The following RIF1 variants were observed in gnomAD, a reference collection of about 807,000 sequenced individuals.
RIF1 encodes replication timing regulatory factor 1, also known as telomere-associated protein RIF1.
RIF1 carries 45 observed loss-of-function variants against 247.1 expected under a neutral mutation model. That is an observed-to-expected ratio of 0.18 (90% confidence interval 0.14 to 0.23). The LOEUF (loss-of-function observed/expected upper bound fraction) is 0.23, where lower values mean the gene tolerates loss of function less well. RIF1 is among the 10% of genes least tolerant of loss of function. RIF1 has a pLI of 1.00. For synonymous variants in RIF1, 1,087 were observed against 978.8 expected (o/e 1.11, Z -2.06); for missense variants, 2,967 against 2,862.5 (o/e 1.04, Z -0.83).
chr2:151,468,396 C>T (rs1051311713), intron 31 of RIF1, 78 bp from the exon 32 acceptor site: 11 of 1,143,794 alleles, frequency 9.6e-6, no homozygotes, highest in African/African-American at 1.6e-5. Context: ...GAAATGATTG[C>T]AGTCTAAGTT....
intron 3 of RIF1, among the ~76,000 whole-genome samples, chr2:151,413,595 A>G (rs2152086209): frequency 6.6e-6 from 1 of 152,352 alleles, no homozygotes; most frequent in South Asian, 2.1e-4. Context: ...AGTAAGTTTA[A>G]TGAAGATTAA....
intron 7 of RIF1, 41 bp downstream of exon 7, chr2:151,420,420 C>A: frequency 6.3e-7 from 1 of 1,588,196 alleles, no homozygotes; most frequent in South Asian, 1.1e-5. Flanking sequence ...GATACTGCAT[C>A]GGAAGGTTCT....
the RIF1 span, chr2:151,527,368 A>G: frequency 2.2e-6 from 2 of 900,362 alleles, no homozygotes; most frequent in South Asian, 3.7e-5. Flanking sequence ...TCCTTCTCGG[A>G]TCTCAAACGA....
the RIF1 span, chr2:151,514,809 G>A: frequency 2.0e-6 from 3 of 1,536,526 alleles, no homozygotes; most frequent in African/African-American, 2.7e-5. Flanking sequence ...AAGACCAAGT[G>A]GGCACTACCT....
chr2:151,448,935 T>G (rs920921736), intron 20 of RIF1, among the ~76,000 whole-genome samples: 1 of 152,178 alleles, frequency 6.6e-6, no homozygotes, highest in African/African-American at 2.4e-5. Context: ...AAACTTGGAG[T>G]CTGTCAAATT....
At chr2:151,443,377 A>G (rs1458107697) in intron 17 of RIF1, 48 bp downstream of exon 17, 3 of 1,364,678 alleles carry the variant, frequency 2.2e-6, no homozygotes, top group Non-Finnish European at 3.1e-6. Context: ...AGGTTATGTA[A>G]TGAATGAGAT....
chr2:151,420,626 G>A (rs890680326), intron 7 of RIF1, among the ~76,000 whole-genome samples: 3 of 151,430 alleles, frequency 2.0e-5, no homozygotes, highest in Admixed American at 6.6e-5. Flanking sequence ...AGTCTCAGAT[G>A]CTTGGGAGAC....
At chr2:151,512,812 A>G (rs201767727), downstream of RIF1, 2,322 of 1,612,576 alleles carry the variant, frequency 1.4e-3, 5 homozygotes, top group Middle Eastern at 4.5e-3. Flanking sequence ...GGCTTTCTCC[A>G]TTTCTGCTGA....
intron 11 of RIF1, 130 bp from the exon 12 acceptor site, chr2:151,436,697 A>T: frequency 1.6e-6 from 1 of 636,038 alleles, no homozygotes; most frequent in East Asian, 2.9e-5. Context: ...TAATATTTCA[A>T]GGTATGGATT....
intron 14 of RIF1, among the ~76,000 whole-genome samples, chr2:151,439,626 G>A (rs992304088): frequency 3.4e-5 from 5 of 147,634 alleles, no homozygotes; most frequent in East Asian, 4.0e-4. Flanking sequence ...CTGAGATGGC[G>A]CCATTGCACT....
chr2:151,492,306 T>C (rs771420496), intron 9 of RIF1: 6 of 1,604,326 alleles, frequency 3.7e-6, no homozygotes, highest in Non-Finnish European at 5.1e-6. Context: ...ATTTGCTTTA[T>C]GAAAATATGA....
At chr2:151,519,802 G>A in the RIF1 span, 1 of 1,391,380 alleles carries the variant, frequency 7.2e-7, no homozygotes, top group South Asian at 1.2e-5. Context: ...AATTATTCCT[G>A]GACATCAATC....
chr2:151,412,599 C>T lies in RIF1; in HGVS notation c.183+1261C>T, dbSNP rs186245196. On this transcript the variant is annotated intron_variant, in intron 3 of 35. Coordinates refer to ENST00000444746, the MANE Select transcript of RIF1 (RefSeq NM_018151.5). The stretch of plus-strand genomic sequence containing the variant: ...GCCTCCCAGGTTCAAGTGATTCTCC[C>T]GCCTCAGCCTCCTGAGTAGCTGGGA... Among the ~76,000 whole-genome samples the T allele has an allele frequency of 2.3e-3, 352 of 152,110 alleles. 9 individuals carry two copies. In the East Asian group the frequency reaches 0.046, roughly 20 times the overall value.
intron 9 of RIF1, among the ~76,000 whole-genome samples, chr2:151,432,290 G>A (rs1357525110): frequency 1.3e-5 from 2 of 152,174 alleles, no homozygotes; most frequent in African/African-American, 2.4e-5. Context: ...GATTATAGGC[G>A]TGAACCACCA....
chr2:151,413,252 C>G (rs1374841474), intron 3 of RIF1, among the ~76,000 whole-genome samples: 1 of 151,470 alleles, frequency 6.6e-6, no homozygotes, highest in Non-Finnish European at 1.5e-5. Context: ...AGGCTGGTCT[C>G]GAACTGCCGA....
At chr2:151,530,842 C>T in the RIF1 span, 1 of 585,634 alleles carries the variant, frequency 1.7e-6, no homozygotes, top group South Asian at 2.4e-5. Flanking sequence ...AGTCAACTTA[C>T]CGAATCATGA....
In RIF1 at chr2:151,438,650, C is replaced by G. The variant is rs1489473636; in HGVS notation, c.1484-34C>G. The G allele has an allele frequency of 4.1e-6, 6 of 1,458,042 alleles. No homozygotes were observed. In the South Asian group the frequency reaches 6.8e-5, roughly 17 times the overall value. The allele number at this position is 1,458,042 out of a possible 1,614,324, so 90.3% of individuals were successfully genotyped here. On this transcript the variant is annotated intron_variant, in intron 13 of 35. Coordinates refer to ENST00000444746, the MANE Select transcript of RIF1 (RefSeq NM_018151.5). ...TCATAGTACGTAGTCATATGTACTT[C>G]ATTTAAAATACTCAAGTTTATTTTG...
the RIF1 span, among the ~76,000 whole-genome samples, chr2:151,533,968 G>C: frequency 2.0e-5 from 3 of 152,196 alleles, no homozygotes; most frequent in Non-Finnish European, 4.4e-5. Context: ...TTCTCCAGAA[G>C]AGTAAAGGAT....
At chr2:151,460,204 T>A in intron 26 of RIF1, 85 bp downstream of exon 26, 1 of 1,057,728 alleles carries the variant, frequency 9.5e-7, no homozygotes, top group East Asian at 2.8e-5. Flanking sequence ...ATGAAAGAAC[T>A]ATAAAAGACT....
Sources: gnomAD v4.1 joint callset for allele counts (sites outside exome capture counted in the v4.1 genomes callset) on GRCh38, gnomAD v4.1.1 for gene constraint, MANE v1.5 for transcripts, NCBI Gene and HGNC (gene_info 2026-07-23, HGNC 2026-07-21) for gene names.